WIPI2: variants seen among roughly 807,000 people sequenced by gnomAD.
WIPI2 encodes the protein WD repeat domain, phosphoinositide interacting 2.
In WIPI2, 28 loss-of-function variants were observed where a neutral mutation model predicts 52.3. The ratio of observed to expected loss-of-function variants is 0.54; its 90% CI spans 0.40 to 0.73. The LOEUF (loss-of-function observed/expected upper bound fraction) is 0.73. Among genes scored for constraint, WIPI2 ranks in the 30% least tolerant of loss-of-function variants. WIPI2 has a pLI of 0.00. For synonymous variants in WIPI2, 268 were observed against 245.0 expected (o/e 1.09, Z -0.88); for missense variants, 506 against 602.9 (o/e 0.84, Z 1.68).
chr7:5,197,089 A>C (rs578003880), intron 2 of WIPI2, among the ~76,000 whole-genome samples: 1 of 122,938 alleles, frequency 8.1e-6, no homozygotes, highest in Admixed American at 1.2e-4. Flanking sequence ...TCCAGCCTGC[A>C]TGACAGAGCG....
At chr7:5,200,674 G>A (rs1294415992) in intron 3 of WIPI2, among the ~76,000 whole-genome samples, 2 of 152,054 alleles carry the variant, frequency 1.3e-5, no homozygotes, top group African/African-American at 4.8e-5. Context: ...TGAACTTTGT[G>A]CTGGTGACTT....
chr7:5,232,000 G>A lies in WIPI2; in HGVS notation c.*1053G>A, dbSNP rs527239791. ...CCTCAGCAAACCGATGAGAGATTGTGGTTGCAAGCTTCAGTATTTGCCTCG... is the reference window on the plus strand; with the variant it reads ...CCTCAGCAAACCGATGAGAGATTGTAGTTGCAAGCTTCAGTATTTGCCTCG... On this transcript the variant is annotated 3_prime_UTR_variant, in exon 13 of 13. Transcript: ENST00000288828. 2.6e-6 allele frequency: 1 copy of A among 390,028 alleles called. No individual in the cohort carries two copies. Among genetic ancestry groups the A allele is most frequent in the Non-Finnish European group, 4.5e-6 (1 of 223,704 alleles). 24.2% of individuals were successfully genotyped at this position (390,028 alleles called of 1,614,324 possible).
At chr7:5,217,770 C>T (rs1782893907) in intron 6 of WIPI2, 152 bp from the exon 7 acceptor site, 2 of 728,700 alleles carry the variant, frequency 2.7e-6, no homozygotes, top group Non-Finnish European at 4.8e-6. Flanking sequence ...TCCTTGGATG[C>T]CCAGCCCCAG....
In WIPI2 at chr7:5,190,441, G is replaced by C. The variant is rs1218223973; in HGVS notation, c.22G>C (p.Gly8Arg). The C allele has an allele frequency of 2.0e-6, 3 of 1,487,262 alleles. No individual in the cohort carries two copies. The highest frequency in any genetic ancestry group is 1.8e-6 in the Non-Finnish European group (2 of 1,116,438). The allele number at this position is 1,487,262 out of a possible 1,614,324, so 92.1% of individuals were successfully genotyped here. The change falls in exon 1 of 13, where the codon GGG (glycine) becomes CGG (arginine). Residue 8 changes from glycine to arginine, a missense_variant. By Grantham distance (125) the Gly-to-Arg change is moderately radical. Around this residue, in one of 4 missense-constraint regions of WIPI2, gnomAD observed 15 missense variants for 31.3 expected, o/e 0.48. Coordinates refer to ENST00000288828, the MANE Select transcript of WIPI2 (RefSeq NM_015610.4). MNLASQS[G>R]EAGAGQLLFA... ...AGCCATGAACCTGGCGAGCCAGAGC[G>C]GGGAGGCCGGCGCCGGCCAGCTGCT...
Position 5,231,911 on chromosome 7 carries a change from AGGCGGCTG to A in WIPI2, c.*968_*975del. On this transcript the variant is annotated 3_prime_UTR_variant, in exon 13 of 13. Transcript: ENST00000288828. ...GTAGCGGGAGACAGCAACAGAGAGT[AGGCGGCTG>A]GGCCACGTCCTTCACAGGGCGTCAT... 1 of 312,504 alleles carries A rather than the reference AGGCGGCTG, an allele frequency of 3.2e-6. No homozygotes were observed. Among genetic ancestry groups the A allele is most frequent in the Non-Finnish European group, 5.8e-6 (1 of 171,644 alleles). The allele number at this position is 312,504 out of a possible 1,614,324, so 19.4% of individuals were successfully genotyped here. A position where few individuals can be genotyped will look rare whatever the true frequency, so the allele number is the denominator to read the frequency against.
chr7:5,216,144 C>T (rs960050444), intron 4 of WIPI2: 1 of 124,790 alleles, frequency 8.0e-6, no homozygotes, highest in Non-Finnish European at 1.8e-5. Flanking sequence ...ATCCTTGGCG[C>T]TTCTAACATT....
At chr7:5,224,960 T>C (rs1783353743) in intron 8 of WIPI2, among the ~76,000 whole-genome samples, 1 of 152,080 alleles carries the variant, frequency 6.6e-6, no homozygotes, top group African/African-American at 2.4e-5. Context: ...ACATTCCTAA[T>C]TCATACACAT....
intron 3 of WIPI2, among the ~76,000 whole-genome samples, chr7:5,205,553 T>C (rs1292859122): frequency 2.6e-5 from 4 of 152,174 alleles, no homozygotes; most frequent in Non-Finnish European, 5.9e-5. Context: ...CTGCTGCCCA[T>C]GTCCCCACAG....
intron 7 of WIPI2, among the ~76,000 whole-genome samples, chr7:5,221,951 A>ATTTT (rs200325811): frequency 2.0e-5 from 2 of 101,126 alleles, no homozygotes; most frequent in Non-Finnish European, 4.1e-5. Flanking sequence ...CCAGGCTTTT[A>ATTTT]TTTTTTTTTT....
At chr7:5,215,410 A>G (rs1782764822) in intron 4 of WIPI2, among the ~76,000 whole-genome samples, 2 of 152,398 alleles carry the variant, frequency 1.3e-5, no homozygotes, top group South Asian at 2.1e-4. Context: ...CCCTAAACTA[A>G]TAAGACTGTC....
intron 7 of WIPI2, among the ~76,000 whole-genome samples, chr7:5,219,493 T>G (rs1782983034): frequency 6.6e-6 from 1 of 152,166 alleles, no homozygotes; most frequent in Admixed American, 6.5e-5. Context: ...CCTTGATTGC[T>G]TGTACATGGA....
intron 3 of WIPI2, among the ~76,000 whole-genome samples, chr7:5,207,175 A>G (rs1294978422): frequency 6.6e-6 from 1 of 152,214 alleles, no homozygotes; most frequent in Non-Finnish European, 1.5e-5. Context: ...CTTGTAAGAT[A>G]AAATTTACTT....
chr7:5,201,654 G>A (rs991264975), intron 3 of WIPI2, among the ~76,000 whole-genome samples: 4 of 152,308 alleles, frequency 2.6e-5, no homozygotes, highest in South Asian at 2.1e-4. Flanking sequence ...GCTGAGGCAC[G>A]AGAATCACTT....
At chr7:5,209,988 A>T (rs1044772584) in intron 3 of WIPI2, among the ~76,000 whole-genome samples, 2 of 151,080 alleles carry the variant, frequency 1.3e-5, no homozygotes, top group African/African-American at 4.9e-5. Context: ...GCTGGCTGCA[A>T]CCTCCGTCTC....
chr7:5,205,869 A>C (rs1413818963), intron 3 of WIPI2, among the ~76,000 whole-genome samples: 2 of 119,216 alleles, frequency 1.7e-5, no homozygotes, highest in African/African-American at 3.2e-5. Flanking sequence ...CCATGCAGTC[A>C]TGTGCTGCCA....
At chr7:5,205,611 T>G (rs868267454) in intron 3 of WIPI2, among the ~76,000 whole-genome samples, 1 of 152,132 alleles carries the variant, frequency 6.6e-6, no homozygotes, top group Non-Finnish European at 1.5e-5. Flanking sequence ...TTCAAGTGAT[T>G]CTCCTGCCTT....
intron 7 of WIPI2, 163 bp downstream of exon 7, chr7:5,218,177 G>A: frequency 1.6e-6 from 1 of 643,286 alleles, no homozygotes; most frequent in East Asian, 2.8e-5. Flanking sequence ...TACTGCCCGA[G>A]AGTGAGCGGA....
chr7:5,199,288 T>C (rs999511377), intron 2 of WIPI2, among the ~76,000 whole-genome samples: 1 of 152,188 alleles, frequency 6.6e-6, no homozygotes, highest in Non-Finnish European at 1.5e-5. Flanking sequence ...GCAGTCCTCC[T>C]GCCTTGGCCT....
intron 3 of WIPI2, among the ~76,000 whole-genome samples, chr7:5,209,173 C>G (rs968003425): frequency 7.9e-5 from 12 of 152,026 alleles, no homozygotes; most frequent in Non-Finnish European, 2.9e-5. Flanking sequence ...ATATTTTAAT[C>G]TTGTATCCTA....
Sources: gnomAD v4.1 joint callset for allele counts (sites outside exome capture counted in the v4.1 genomes callset) on GRCh38, gnomAD v4.1.1 for gene constraint, gnomAD v4.1.1 regional missense constraint, MANE v1.5 for transcripts, NCBI Gene and HGNC (gene_info 2026-07-23, HGNC 2026-07-21) for gene names.